The following GPBP1 variants were observed in gnomAD, a reference collection of about 807,000 sequenced individuals.
GPBP1 encodes vasculin.
In GPBP1, 13 loss-of-function variants were observed where a neutral mutation model predicts 56.5. The ratio of observed to expected loss-of-function variants is 0.23; its 90% CI spans 0.15 to 0.37. The LOEUF is 0.37. GPBP1 is among the 10% of genes least tolerant of loss of function. The probability of loss-of-function intolerance (pLI) is 1.00; values close to 1 mark genes in which losing one functional copy is unlikely to be tolerated. For missense variants in GPBP1, 477 were observed against 572.3 expected, an observed-to-expected ratio of 0.83 and a Z score of 1.70; for synonymous variants, 204 against 188.9, an observed-to-expected ratio of 1.08 and a Z score of -0.66.
intron 6 of GPBP1, among the ~76,000 whole-genome samples, chr5:57,244,731 T>TC (rs1741004815): frequency 7.1e-6 from 1 of 141,638 alleles, no homozygotes; most frequent in Non-Finnish European, 1.5e-5. Flanking sequence ...TTTGAGATTT[T>TC]TTTTTTTTTT....
At chr5:57,260,009 T>C (rs1741818930) in intron 10 of GPBP1, among the ~76,000 whole-genome samples, 1 of 152,230 alleles carries the variant, frequency 6.6e-6, no homozygotes, top group Non-Finnish European at 1.5e-5. Flanking sequence ...GGTAAAGCCA[T>C]GTGCAGTTCT....
rs1753783919 is a variant in GPBP1 at position 57,176,248 on chromosome 5, G to A, written c.-210G>A. ...CTTTAAAACAGAAGTATGGGTAGCTGACTTGAAGTAACTCTATGTCAAATA... is the reference window on the plus strand; with the variant it reads ...CTTTAAAACAGAAGTATGGGTAGCTAACTTGAAGTAACTCTATGTCAAATA... On this transcript the variant is annotated 5_prime_UTR_variant, in exon 2 of 12. The change abolishes the stop of an existing upstream ORF in the 5' untranslated region. Coordinates refer to ENST00000506184, the MANE Select transcript of GPBP1 (RefSeq NM_022913.4). The A allele has an allele frequency of 2.7e-6, 1 of 376,004 alleles. No homozygotes were observed. Among genetic ancestry groups the A allele is most frequent in the Non-Finnish European group, 4.7e-6 (1 of 212,814 alleles). The allele number at this position is 376,004 out of a possible 1,614,324, so 23.3% of individuals were successfully genotyped here.
chr5:57,245,599 A>G (rs374068871), intron 6 of GPBP1: 4 of 152,344 alleles, frequency 2.6e-5, no homozygotes, highest in African/African-American at 9.6e-5. Context: ...GTTTGATTAC[A>G]CACACACATT....
At chr5:57,186,398 A>G (rs1754287054) in intron 2 of GPBP1, among the ~76,000 whole-genome samples, 1 of 151,512 alleles carries the variant, frequency 6.6e-6, no homozygotes, top group South Asian at 2.1e-4. Flanking sequence ...TAAAAAAAAA[A>G]AAAAATTTTT....
intron 6 of GPBP1, among the ~76,000 whole-genome samples, chr5:57,240,669 TATA>T (rs1401998891): frequency 1.3e-5 from 2 of 152,082 alleles, no homozygotes; most frequent in East Asian, 1.9e-4. Context: ...CCACAAAAAT[TATA>T]ATGAGAAAAG....
intron 2 of GPBP1, among the ~76,000 whole-genome samples, chr5:57,183,152 G>A (rs1239486116): frequency 6.6e-6 from 1 of 152,000 alleles, no homozygotes; most frequent in East Asian, 1.9e-4. Context: ...GATCACCTGA[G>A]GTCAGGAGTT....
chr5:57,217,334 A>C (rs1468202587), intron 3 of GPBP1, among the ~76,000 whole-genome samples: 1 of 152,130 alleles, frequency 6.6e-6, no homozygotes, highest in Non-Finnish European at 1.5e-5. Flanking sequence ...GCACTTTGGG[A>C]GGCCGAGGCG....
intron 2 of GPBP1, among the ~76,000 whole-genome samples, chr5:57,188,393 G>T (rs909365544): frequency 1.4e-4 from 22 of 152,070 alleles, no homozygotes; most frequent in African/African-American, 5.3e-4. Flanking sequence ...CCATATTCCA[G>T]GCTTATAGCT....
intron 3 of GPBP1, among the ~76,000 whole-genome samples, chr5:57,225,712 C>T (rs995978740): frequency 1.3e-5 from 2 of 152,094 alleles, no homozygotes; most frequent in East Asian, 1.9e-4. Flanking sequence ...CTCTCTGTAC[C>T]GTTGAACCAG....
chr5:57,203,332 A>AAAAAAATTTTT (rs1755097514), intron 2 of GPBP1, among the ~76,000 whole-genome samples: 1 of 152,156 alleles, frequency 6.6e-6, no homozygotes, highest in African/African-American at 2.4e-5. Context: ...TTATGATAAA[A>AAAAAAATTTTT]ATGTAAGTAA....
At chr5:57,181,761 T>C (rs900978075) in intron 2 of GPBP1, among the ~76,000 whole-genome samples, 3 of 152,248 alleles carry the variant, frequency 2.0e-5, no homozygotes, top group South Asian at 4.1e-4. Flanking sequence ...AATTGATAAT[T>C]TTGTGGGCAT....
chr5:57,199,520 ATTTC>A (rs1415400413), intron 2 of GPBP1, among the ~76,000 whole-genome samples: 1 of 151,744 alleles, frequency 6.6e-6, no homozygotes, highest in Admixed American at 6.6e-5. Context: ...TTGCTACCAG[ATTTC>A]TTTTCTTTTC....
At position 57,236,461 on chromosome 5, in the gene GPBP1, A is replaced by G. The variant is rs187881683; in HGVS notation, c.478+429A>G. On this transcript the variant is annotated intron_variant, in intron 6 of 11. Transcript: ENST00000506184. Reference sequence around the variant, plus strand: ...TTTACCTATGAAAGTGGTTACGTATATATATATACACATATATGTATAGAC... The same window carrying G: ...TTTACCTATGAAAGTGGTTACGTATGTATATATACACATATATGTATAGAC... Among the ~76,000 whole-genome samples, 126 of 152,284 alleles carry G rather than the reference A, an allele frequency of 8.3e-4. 1 individual carries two copies. The East Asian group carries it at 0.023, about 28-fold the overall frequency.
chr5:57,248,882 A>G (rs1741228262), intron 8 of GPBP1: 2 of 152,302 alleles, frequency 1.3e-5, no homozygotes, highest in Admixed American at 6.5e-5. Context: ...AATCCATATG[A>G]CACAGAGTTT....
rs1241869843 is a variant in GPBP1 at position 57,246,341 on chromosome 5, G to A, written c.520G>A (p.Val174Ile). 3 of 1,613,678 alleles carry A rather than the reference G, an allele frequency of 1.9e-6. No homozygotes were observed. The highest frequency in any genetic ancestry group is 2.7e-5 in the African/African-American group (2 of 74,986). ...NPKSRAPRMLVIKKGNTKDLQ... is the reference protein window; with the variant it reads ...NPKSRAPRMLIIKKGNTKDLQ... ...TAAATCTAGAGCTCCAAGGATGCTG[G>A]TCATTAAGAAAGGTAATACAAAAGA... The change falls in exon 7 of 12, where the codon GTC becomes ATC. Residue 174 changes from valine (V) to isoleucine (I), a missense_variant. Transcript: ENST00000506184.
chr5:57,224,715 T>G (rs903206397), intron 3 of GPBP1, among the ~76,000 whole-genome samples: 1 of 152,180 alleles, frequency 6.6e-6, no homozygotes, highest in African/African-American at 2.4e-5. Context: ...GTACCCAGTT[T>G]ATAGTTTTAA....
At chr5:57,208,942 A>G (rs1293835657) in intron 2 of GPBP1, among the ~76,000 whole-genome samples, 31 of 152,170 alleles carry the variant, frequency 2.0e-4, no homozygotes, top group Non-Finnish European at 1.0e-4. Flanking sequence ...GGCTTGAGCC[A>G]CTGTGCTGGG....
At position 57,175,764 on chromosome 5, in the gene GPBP1, TGA is replaced by T. The variant is rs1353223359; in HGVS notation, c.-689_-688del. 7.6e-6 allele frequency: 3 copies of T among 396,550 alleles called. No individual in the cohort carries two copies. The highest frequency in any genetic ancestry group is 7.1e-5 in the East Asian group (2 of 28,022). The allele number at this position is 396,550 out of a possible 1,614,324, so 24.6% of individuals were successfully genotyped here. A position where few individuals can be genotyped will look rare whatever the true frequency, so the allele number is the denominator to read the frequency against. ...GTTGTTGGGGTTCTTCAGCCGAAAC[TGA>T]GAGACGTTGATTTGTGTACTGAGTA... On this transcript the variant is annotated 5_prime_UTR_variant, in exon 2 of 12. Coordinates refer to ENST00000506184, the MANE Select transcript of GPBP1 (RefSeq NM_022913.4).
chr5:57,188,881 C>CT (rs1424574932), intron 2 of GPBP1, among the ~76,000 whole-genome samples: 1 of 152,146 alleles, frequency 6.6e-6, no homozygotes, highest in Non-Finnish European at 1.5e-5. Context: ...TTTCTTCTTT[C>CT]CCCCCATCTA....
Sources: allele counts gnomAD v4.1 joint callset (sites outside exome capture counted in the v4.1 genomes callset), GRCh38; gene constraint gnomAD v4.1.1; transcripts MANE v1.5; gene names NCBI Gene and HGNC (gene_info 2026-07-23, HGNC 2026-07-21).